DAB1: variants seen among roughly 807,000 people sequenced by gnomAD.
DAB1 encodes the protein disabled homolog 1.
A neutral mutation model predicts 64.6 loss-of-function variants in DAB1; 15 were observed. The observed-to-expected ratio is 0.23, with a 90% confidence interval of 0.16 to 0.36. DAB1 has a LOEUF of 0.36. DAB1 is among the 10% of genes least tolerant of loss of function. The pLI, the probability that DAB1 is intolerant of heterozygous loss-of-function variation, is 1.00. For missense variants in DAB1, 596 were observed against 706.7 expected, an observed-to-expected ratio of 0.84 and a Z score of 1.78; for synonymous variants, 235 against 251.9, an observed-to-expected ratio of 0.93 and a Z score of 0.64.
At chr1:58,466,161 T>C (rs911197261) in intron 3 of DAB1, among the ~76,000 whole-genome samples, 2 of 152,046 alleles carry the variant, frequency 1.3e-5, no homozygotes, top group Admixed American at 6.5e-5. Context: ...GCAGGGATAA[T>C]GAGGAAGGGC....
intron 6 of DAB1, among the ~76,000 whole-genome samples, chr1:57,768,790 T>A (rs535268634): frequency 6.6e-6 from 1 of 152,130 alleles, no homozygotes; most frequent in Non-Finnish European, 1.5e-5. Context: ...TTCCTAAAGA[T>A]AATCCAGTCC....
chr1:58,292,019 G>T (rs1661854232), intron 4 of DAB1, among the ~76,000 whole-genome samples: 1 of 152,164 alleles, frequency 6.6e-6, no homozygotes, highest in South Asian at 2.1e-4. Context: ...TTGAGGCCTT[G>T]AACAGAACAA....
At chr1:57,545,403 C>T (rs1469074534) in intron 7 of DAB1, among the ~76,000 whole-genome samples, 13 of 152,170 alleles carry the variant, frequency 8.5e-5, no homozygotes. Flanking sequence ...CTGCATTGTT[C>T]ACTGCTATTT....
chr1:57,433,601 C>A (rs1286759953), intron 7 of DAB1, among the ~76,000 whole-genome samples: 1 of 151,930 alleles, frequency 6.6e-6, no homozygotes, highest in Non-Finnish European at 1.5e-5. Flanking sequence ...GAGGTATGCA[C>A]AGGTTTCTTA....
intron 4 of DAB1, among the ~76,000 whole-genome samples, chr1:57,076,124 A>T (rs1160408926): frequency 2.0e-5 from 3 of 152,162 alleles, no homozygotes; most frequent in Non-Finnish European, 4.4e-5. Flanking sequence ...CCAGAGGCAG[A>T]AAGGTGAGGC....
At chr1:57,770,000 A>G (rs971662322) in intron 6 of DAB1, among the ~76,000 whole-genome samples, 3 of 152,148 alleles carry the variant, frequency 2.0e-5, no homozygotes, top group African/African-American at 7.2e-5. Flanking sequence ...TGATTTCCCC[A>G]GACACTGGCT....
At chr1:57,258,790 G>C (rs1474246768) in intron 2 of DAB1, among the ~76,000 whole-genome samples, 3 of 152,114 alleles carry the variant, frequency 2.0e-5, no homozygotes, top group African/African-American at 7.2e-5. Context: ...ATAGATGGGA[G>C]TGGGAAGGTG....
At chr1:57,514,712 G>A (rs1489741616) in intron 7 of DAB1, among the ~76,000 whole-genome samples, 1 of 152,166 alleles carries the variant, frequency 6.6e-6, no homozygotes, top group Non-Finnish European at 1.5e-5. Flanking sequence ...TCAAAGTGCT[G>A]GCAATACCAA....
chr1:57,114,631 G>A (rs1337642674), intron 4 of DAB1, among the ~76,000 whole-genome samples: 2 of 152,166 alleles, frequency 1.3e-5, no homozygotes, highest in African/African-American at 2.4e-5. Flanking sequence ...CTTTACCAAG[G>A]CCAGCTCTCC....
At chr1:58,180,398 T>C (rs905281643) in intron 4 of DAB1, among the ~76,000 whole-genome samples, 2 of 145,868 alleles carry the variant, frequency 1.4e-5, no homozygotes, top group African/African-American at 5.1e-5. Flanking sequence ...GCTTAAGTGA[T>C]CCTCTAATAT....
intron 5 of DAB1, among the ~76,000 whole-genome samples, chr1:58,078,656 A>T (rs1649798156): frequency 6.6e-6 from 1 of 152,208 alleles, no homozygotes; most frequent in Non-Finnish European, 1.5e-5. Context: ...AGTATTAATT[A>T]TATGCCAGAC....
At chr1:57,521,385 C>T (rs968823601) in intron 7 of DAB1, among the ~76,000 whole-genome samples, 24 of 152,050 alleles carry the variant, frequency 1.6e-4, no homozygotes, top group Admixed American at 6.5e-5. Flanking sequence ...CCACCAGTCT[C>T]GTATATGCAG....
At chr1:57,413,150 G>A (rs1268913000) in intron 1 of DAB1, among the ~76,000 whole-genome samples, 1 of 152,128 alleles carries the variant, frequency 6.6e-6, no homozygotes, top group East Asian at 1.9e-4. Flanking sequence ...GGTTTACTGA[G>A]TATTTTAAGT....
chr1:57,287,617 T>G (rs1271121701), intron 2 of DAB1, among the ~76,000 whole-genome samples: 1 of 152,154 alleles, frequency 6.6e-6, no homozygotes, highest in Non-Finnish European at 1.5e-5. Context: ...AACGACATGG[T>G]TATATTCAAA....
At chr1:57,034,020 G>A (rs1570554325) in intron 9 of DAB1, among the ~76,000 whole-genome samples, 1 of 152,060 alleles carries the variant, frequency 6.6e-6, no homozygotes, top group African/African-American at 2.4e-5. Context: ...GGTGGCTCAC[G>A]CCTGTAATCC....
At chr1:57,855,371 G>A (rs930490197) in intron 1 of DAB1, among the ~76,000 whole-genome samples, 11 of 152,136 alleles carry the variant, frequency 7.2e-5, no homozygotes, top group African/African-American at 2.7e-4. Flanking sequence ...AGCTGACAAC[G>A]TCCCTGCCCC....
intron 7 of DAB1, among the ~76,000 whole-genome samples, chr1:57,531,454 G>A (rs1343790590): frequency 1.3e-5 from 2 of 152,052 alleles, no homozygotes; most frequent in Non-Finnish European, 2.9e-5. Flanking sequence ...AAGCCTGTTT[G>A]GTGGTCTCTT....
chr1:57,312,407 G>C (rs926776515), intron 1 of DAB1, among the ~76,000 whole-genome samples: 1 of 151,796 alleles, frequency 6.6e-6, no homozygotes, highest in Admixed American at 6.6e-5. Flanking sequence ...AGAACTAGAC[G>C]AGAGTTTAGA....
chr1:58,030,456 C>T (rs1449482856), intron 5 of DAB1, among the ~76,000 whole-genome samples: 1 of 152,224 alleles, frequency 6.6e-6, no homozygotes, highest in Non-Finnish European at 1.5e-5. Flanking sequence ...TCAAGCTCCA[C>T]ACTCAAAAGA....
Sources: allele counts gnomAD v4.1 joint callset (sites outside exome capture counted in the v4.1 genomes callset), GRCh38; gene constraint gnomAD v4.1.1; transcripts MANE v1.5; gene names NCBI Gene and HGNC (gene_info 2026-07-23, HGNC 2026-07-21).